Variants in OSBPL1A observed in about 807,000 individuals in gnomAD.
OSBPL1A encodes oxysterol binding protein like 1A, also known as oxysterol-binding protein-related protein 1.
In OSBPL1A, 80 loss-of-function variants were observed where a neutral mutation model predicts 137.1. The ratio of observed to expected loss-of-function variants is 0.58; its 90% CI spans 0.49 to 0.70. The LOEUF (loss-of-function observed/expected upper bound fraction) is 0.70. Among genes scored for constraint, OSBPL1A ranks in the 30% least tolerant of loss-of-function variants. The pLI is 0.00. For missense variants in OSBPL1A, 970 were observed against 1,129.4 expected (o/e 0.86, Z 2.02); for synonymous variants, 365 against 389.7 (o/e 0.94, Z 0.75).
chr18:24,190,472 C>A (rs7236398), intron 18 of OSBPL1A, among the ~76,000 whole-genome samples: 6,592 of 151,174 alleles, frequency 0.044, 305 homozygotes, highest in African/African-American at 0.12. Context: ...AGATACAGTA[C>A]TGTTACCAGC....
intron 2 of OSBPL1A, among the ~76,000 whole-genome samples, chr18:24,375,909 G>A (rs999028763): frequency 6.6e-6 from 1 of 152,082 alleles, no homozygotes; most frequent in Non-Finnish European, 1.5e-5. Flanking sequence ...GGACCCTCGC[G>A]GTGAGTGTTA....
At chr18:24,349,825 C>A (rs1323433339) in intron 4 of OSBPL1A, among the ~76,000 whole-genome samples, 2 of 152,084 alleles carry the variant, frequency 1.3e-5, no homozygotes, top group Non-Finnish European at 1.5e-5. Context: ...TCAGCTGACA[C>A]CTTAATTTCA....
intron 11 of OSBPL1A, among the ~76,000 whole-genome samples, chr18:24,315,013 C>A (rs12709785): frequency 5.3e-5 from 8 of 151,988 alleles, no homozygotes; most frequent in Non-Finnish European, 7.4e-5. Flanking sequence ...AGAGGCCCCC[C>A]ACCTGTTGCA....
chr18:24,271,683 C>A lies in OSBPL1A; in HGVS notation c.1281+9159G>T, dbSNP rs2089721568. 1 of 985,796 alleles carries A rather than the reference C, an allele frequency of 1.0e-6. No individual in the cohort carries two copies. The highest frequency in any genetic ancestry group is 1.2e-6 in the Non-Finnish European group (1 of 830,212). 61.1% of individuals were successfully genotyped at this position (985,796 alleles called of 1,614,324 possible). A position where few individuals can be genotyped will look rare whatever the true frequency, so the allele number is the denominator to read the frequency against. On this transcript the variant is annotated intron_variant, in intron 15 of 27. Coordinates refer to ENST00000319481, the MANE Select transcript of OSBPL1A (RefSeq NM_080597.4). This position sits in a 1 kb window ranked among gnomAD's most constrained non-coding sequence, Gnocchi z 4.0. ...ACCCTGCGCTCCTCGCAAGCTCCAG[C>A]GCGAATGCGCTCGGCCTGCTCCTCC... is the stretch of plus-strand genomic sequence containing the variant.
chr18:24,269,561 C>CA (rs529862999), intron 15 of OSBPL1A, among the ~76,000 whole-genome samples: 101 of 151,492 alleles, frequency 6.7e-4, no homozygotes, highest in Middle Eastern at 3.4e-3. Flanking sequence ...TCAAATGACT[C>CA]AAAAAAAAGT....
At chr18:24,303,554 TA>T in intron 14 of OSBPL1A, 82 bp downstream of exon 14, 1 of 1,143,184 alleles carries the variant, frequency 8.7e-7, no homozygotes, top group Non-Finnish European at 1.3e-6. Flanking sequence ...AAAAACTGTT[TA>T]AAAATGAAGT....
chr18:24,257,570 C>A (rs2089320136), intron 15 of OSBPL1A, among the ~76,000 whole-genome samples: 1 of 152,058 alleles, frequency 6.6e-6, no homozygotes, highest in East Asian at 1.9e-4. Context: ...TTGGTCTGGG[C>A]AAATATTTCT....
rs192291531 is a variant in OSBPL1A at position 24,352,451 on chromosome 18, G to A, written c.283-10793C>T. Among the ~76,000 whole-genome samples the A allele has an allele frequency of 4.5e-3, 686 of 152,288 alleles. 7 individuals carry two copies. The highest frequency in any genetic ancestry group is 0.016 in the African/African-American group (657 of 41,564). ...AAATGGAAGAACATTTCATGCTCAT[G>A]GGTAGGAAGAATCAACATTATGAAA... On this transcript the variant is annotated intron_variant, in intron 4 of 27. Transcript: ENST00000319481.
chr18:24,290,482 A>G (rs1047609497), intron 14 of OSBPL1A, among the ~76,000 whole-genome samples: 1 of 152,108 alleles, frequency 6.6e-6, no homozygotes, highest in African/African-American at 2.4e-5. Context: ...GGAGTTCAAA[A>G]CCAGCCTGGG....
At chr18:24,224,291 A>C (rs972716228) in intron 17 of OSBPL1A, among the ~76,000 whole-genome samples, 2 of 152,206 alleles carry the variant, frequency 1.3e-5, no homozygotes, top group Admixed American at 1.3e-4. Context: ...ACAAATATTA[A>C]ACAAAAAATT....
intron 24 of OSBPL1A, among the ~76,000 whole-genome samples, chr18:24,168,020 T>C (rs1159939695): frequency 6.6e-6 from 1 of 152,198 alleles, no homozygotes; most frequent in Admixed American, 6.5e-5. Context: ...ATTTAAGTCA[T>C]TATCATCATC....
At chr18:24,377,148 C>T (rs1338331154) in intron 2 of OSBPL1A, among the ~76,000 whole-genome samples, 1 of 152,210 alleles carries the variant, frequency 6.6e-6, no homozygotes, top group African/African-American at 2.4e-5. Flanking sequence ...TGTCACCTCT[C>T]AATAGGATGT....
intron 17 of OSBPL1A, among the ~76,000 whole-genome samples, chr18:24,208,010 G>T (rs1021939961): frequency 6.6e-6 from 1 of 152,102 alleles, no homozygotes; most frequent in Non-Finnish European, 1.5e-5. Context: ...CTCCCAAAGT[G>T]CTGGGATTAC....
At chr18:24,284,286 C>T (rs550951901) in intron 14 of OSBPL1A, among the ~76,000 whole-genome samples, 34 of 152,078 alleles carry the variant, frequency 2.2e-4, no homozygotes, top group South Asian at 6.2e-4. Context: ...ACTGCAAATA[C>T]GTTTTAGCTG....
chr18:24,336,020 T>C (rs929975543), intron 5 of OSBPL1A, among the ~76,000 whole-genome samples: 11 of 152,216 alleles, frequency 7.2e-5, no homozygotes, highest in Admixed American at 7.2e-4. Context: ...CCACTGGTTC[T>C]ATGGCTGCTG....
chr18:24,182,219 T>C (rs973849647), intron 18 of OSBPL1A, among the ~76,000 whole-genome samples: 1 of 152,184 alleles, frequency 6.6e-6, no homozygotes, highest in Admixed American at 6.5e-5. Flanking sequence ...AATGCCTCCA[T>C]CACAAGCGAC....
intron 22 of OSBPL1A, among the ~76,000 whole-genome samples, chr18:24,172,169 G>A (rs1032953983): frequency 2.0e-5 from 3 of 152,090 alleles, no homozygotes; most frequent in Non-Finnish European, 4.4e-5. Flanking sequence ...TCGAACTCCT[G>A]ACCTCGTGAT....
At chr18:24,268,348 G>C (rs546457910) in intron 15 of OSBPL1A, among the ~76,000 whole-genome samples, 4 of 152,108 alleles carry the variant, frequency 2.6e-5, no homozygotes, top group African/African-American at 9.6e-5. Flanking sequence ...TCAAATTCCT[G>C]AGCTCAGGGG....
rs1331947849 is a variant in OSBPL1A, at chr18:24,175,112, A to ATATATATATG, written c.2094-2630_2094-2629insCATATATATA. Among the ~76,000 whole-genome samples, 43 of 16,292 alleles carry ATATATATATG rather than the reference A, an allele frequency of 2.6e-3. 2 individuals are homozygous for ATATATATATG. The highest frequency in any genetic ancestry group is 3.9e-3 in the African/African-American group (43 of 11,116). The allele number at this position is 16,292 out of a possible 152,430, so 10.7% of individuals were successfully genotyped here. A position where few individuals can be genotyped will look rare whatever the true frequency, so the allele number is the denominator to read the frequency against. ...GTGCTTATTTGCCATGTGTATGTAT[A>ATATATATATG]TATATATATATATATATATATATAC... On this transcript the variant is annotated intron_variant, in intron 21 of 27. Coordinates refer to ENST00000319481, the MANE Select transcript of OSBPL1A (RefSeq NM_080597.4).
Sources: allele counts gnomAD v4.1 joint callset (sites outside exome capture counted in the v4.1 genomes callset), GRCh38; gene constraint gnomAD v4.1.1; non-coding constraint Gnocchi (gnomAD v3.1); transcripts MANE v1.5; gene names NCBI Gene and HGNC (gene_info 2026-07-23, HGNC 2026-07-21).